CRCP: variants seen among roughly 807,000 people sequenced by gnomAD.
CRCP encodes the protein CGRP receptor component, also known as DNA-directed RNA polymerase III subunit RPC9.
CRCP carries 18 observed loss-of-function variants against 18.5 expected under a neutral mutation model. The ratio of observed to expected loss-of-function variants is 0.97; its 90% CI spans 0.67 to 1.44. CRCP has a LOEUF of 1.44. Among genes scored for constraint, CRCP ranks in the 40% most tolerant of loss-of-function variants. CRCP has a pLI of 0.00. For synonymous variants in CRCP, 53 were observed against 62.9 expected, an observed-to-expected ratio of 0.84 and a Z score of 0.75; for missense variants, 130 against 176.4, an observed-to-expected ratio of 0.74 and a Z score of 1.49.
At chr7:66,122,995 C>T (rs909188564) in intron 1 of CRCP, among the ~76,000 whole-genome samples, 1 of 150,674 alleles carries the variant, frequency 6.6e-6, no homozygotes, top group African/African-American at 2.4e-5. Flanking sequence ...CGCTCTGTCG[C>T]CCAGGCTGGA....
intron 1 of CRCP, among the ~76,000 whole-genome samples, chr7:66,121,032 TAC>T (rs1787422667): frequency 4.7e-5 from 2 of 42,106 alleles, no homozygotes; most frequent in African/African-American, 1.9e-4. Flanking sequence ...AAGTAACTAA[TAC>T]ATAATAATAA....
At position 66,125,385 on chromosome 7, in the gene CRCP, A is replaced by C. The variant is rs1258796632; in HGVS notation, c.9-2319A>C. Among the ~76,000 whole-genome samples, 2 of 149,468 alleles carry C rather than the reference A, an allele frequency of 1.3e-5. 1 individual carries two copies. The highest frequency in any genetic ancestry group is 3.0e-5 in the Non-Finnish European group (2 of 66,830). On this transcript the variant is annotated intron_variant, in intron 1 of 5. Coordinates refer to ENST00000395326, the MANE Select transcript of CRCP (RefSeq NM_014478.5). ...TAAAAGGTAGATAAAGTACCTCTTGACATTTTATTAAATAAGGAAAGGCCT... is the reference window on the plus strand; with the variant it reads ...TAAAAGGTAGATAAAGTACCTCTTGCCATTTTATTAAATAAGGAAAGGCCT...
chr7:66,123,921 T>C (rs1787531161), intron 1 of CRCP, among the ~76,000 whole-genome samples: 1 of 148,500 alleles, frequency 6.7e-6, no homozygotes, highest in Non-Finnish European at 1.5e-5. Flanking sequence ...GGCTGGCGCC[T>C]GTAGTCCCAG....
At chr7:66,128,746 A>C (rs895004518) in intron 2 of CRCP, 5 of 152,160 alleles carry the variant, frequency 3.3e-5, no homozygotes, top group African/African-American at 9.7e-5. Context: ...AAGAAGGAAA[A>C]AGGTTGGTAA....
intron 5 of CRCP, among the ~76,000 whole-genome samples, chr7:66,147,531 G>C (rs1007846347): frequency 1.3e-5 from 2 of 152,112 alleles, no homozygotes; most frequent in East Asian, 3.9e-4. Context: ...GCTTTACTTT[G>C]CTCCTCCAAG....
At chr7:66,116,704 C>G (rs965829787) in intron 1 of CRCP, among the ~76,000 whole-genome samples, 2 of 152,190 alleles carry the variant, frequency 1.3e-5, no homozygotes, top group African/African-American at 4.8e-5. Context: ...TACATGTCCC[C>G]CTCTTACTCC....
At chr7:66,137,241 A>G (rs546900835) in intron 4 of CRCP, among the ~76,000 whole-genome samples, 5 of 152,222 alleles carry the variant, frequency 3.3e-5, no homozygotes, top group South Asian at 4.1e-4. Flanking sequence ...TGCTATTGTA[A>G]ATGGTGCTCA....
At chr7:66,122,733 T>C (rs1440859432) in intron 1 of CRCP, among the ~76,000 whole-genome samples, 1 of 152,120 alleles carries the variant, frequency 6.6e-6, no homozygotes, top group Non-Finnish European at 1.5e-5. Context: ...AAACACTTGT[T>C]TTCTGACAGT....
chr7:66,146,091 C>T (rs1386949930), intron 5 of CRCP, among the ~76,000 whole-genome samples: 1 of 152,218 alleles, frequency 6.6e-6, no homozygotes, highest in Non-Finnish European at 1.5e-5. Context: ...ATTATTTCTT[C>T]ACGCGGCTCT....
intron 3 of CRCP, among the ~76,000 whole-genome samples, chr7:66,133,020 A>G (rs1243728818): frequency 6.6e-6 from 1 of 152,174 alleles, no homozygotes; most frequent in Non-Finnish European, 1.5e-5. Flanking sequence ...AGGGAGGGAT[A>G]TCGAAGAATT....
At chr7:66,118,819 T>C (rs2115850687) in intron 1 of CRCP, among the ~76,000 whole-genome samples, 1 of 152,290 alleles carries the variant, frequency 6.6e-6, no homozygotes, top group South Asian at 2.1e-4. Flanking sequence ...TTTGTTAAAG[T>C]ATTTGTCCTT....
chr7:66,135,792 A>G (rs186099778), intron 4 of CRCP, among the ~76,000 whole-genome samples: 211 of 152,268 alleles, frequency 1.4e-3, no homozygotes, highest in African/African-American at 4.9e-3. Flanking sequence ...GTGCTGGCAC[A>G]TGCCTGTAAT....
At chr7:66,116,488 TA>T (rs34037462) in intron 1 of CRCP, among the ~76,000 whole-genome samples, 86,965 of 134,984 alleles carry the variant, frequency 0.64, 27,968 homozygotes, top group African/African-American at 0.74. Flanking sequence ...GGCTCTGTCT[TA>T]AAAAAAAAAA....
chr7:66,140,327 C>T (rs1251911978), intron 4 of CRCP, among the ~76,000 whole-genome samples: 1 of 151,824 alleles, frequency 6.6e-6, no homozygotes, highest in Non-Finnish European at 1.5e-5. Context: ...AGACCACCTG[C>T]TTTTGTTTGC....
chr7:66,135,022 C>T (rs1249055359), intron 4 of CRCP, among the ~76,000 whole-genome samples: 1 of 152,112 alleles, frequency 6.6e-6, no homozygotes, highest in Non-Finnish European at 1.5e-5. Flanking sequence ...AATGATGCAA[C>T]CTTATTTATT....
At chr7:66,136,798 G>A (rs1360284825) in intron 4 of CRCP, among the ~76,000 whole-genome samples, 1 of 151,896 alleles carries the variant, frequency 6.6e-6, no homozygotes, top group African/African-American at 2.4e-5. Flanking sequence ...ATTCAAGATC[G>A]GACGGGCACG....
intron 1 of CRCP, among the ~76,000 whole-genome samples, chr7:66,122,572 C>G (rs1252939843): frequency 6.6e-6 from 1 of 151,742 alleles, no homozygotes; most frequent in Non-Finnish European, 1.5e-5. Context: ...CAGCTTCAGT[C>G]ATCTAATTCA....
At position 66,145,433 on chromosome 7, in the gene CRCP, C is replaced by A. The variant is rs1304966433; in HGVS notation, c.240-10C>A. The A allele has an allele frequency of 1.2e-6, 2 of 1,613,680 alleles. No homozygotes were observed. Among genetic ancestry groups the A allele is most frequent in the Non-Finnish European group, 8.5e-7 (1 of 1,179,734 alleles). On this transcript the variant is annotated splice_polypyrimidine_tract_variant and intron_variant, in intron 4 of 5. Transcript: ENST00000395326. ...ATGCGAGTTGTCAACGCTGTACTTT[C>A]CCTCCACAGAGCTGAGAAGCTCCAG... is the stretch of plus-strand genomic sequence containing the variant.
In CRCP at chr7:66,139,585, T is replaced by C. The variant is rs190764567; in HGVS notation, c.239+5211T>C. ...GACTCTGGGTCCTGTTAAAAGCTTCTGGTTTGTGTTTTAGGAGGCTGTCAA... is the reference window on the plus strand; with the variant it reads ...GACTCTGGGTCCTGTTAAAAGCTTCCGGTTTGTGTTTTAGGAGGCTGTCAA... On this transcript the variant is annotated intron_variant, in intron 4 of 5. Transcript: ENST00000395326. Among the ~76,000 whole-genome samples, 63 of 152,362 alleles carry C rather than the reference T, an allele frequency of 4.1e-4. No individual in the cohort carries two copies. The East Asian group carries it at 8.9e-3, about 21-fold the overall frequency.
Sources: allele counts gnomAD v4.1 joint callset (sites outside exome capture counted in the v4.1 genomes callset), GRCh38; gene constraint gnomAD v4.1.1; transcripts MANE v1.5; gene names NCBI Gene and HGNC (gene_info 2026-07-23, HGNC 2026-07-21).